The following TMPRSS11F variants were observed in gnomAD, a reference collection of about 807,000 sequenced individuals.
The protein encoded by TMPRSS11F is transmembrane serine protease 11F.
A neutral mutation model predicts 60.2 loss-of-function variants in TMPRSS11F; 47 were observed. The ratio of observed to expected loss-of-function variants is 0.78; its 90% confidence interval spans 0.62 to 1.00. The LOEUF is 1.00. TMPRSS11F is among the 50% of genes least tolerant of loss of function. The pLI is 0.00. For synonymous variants in TMPRSS11F, 166 were observed against 167.3 expected (o/e 0.99, Z 0.06); for missense variants, 519 against 522.9 (o/e 0.99, Z 0.07).
At chr4:68,120,597 C>A (rs1413248225) in intron 1 of TMPRSS11F, among the ~76,000 whole-genome samples, 2 of 151,708 alleles carry the variant, frequency 1.3e-5, no homozygotes, top group Non-Finnish European at 2.9e-5. Context: ...ACCGTTTTAG[C>A]CGGGATGGTC....
At chr4:68,080,224 A>G (rs1723663855) in intron 3 of TMPRSS11F, 1 of 152,256 alleles carries the variant, frequency 6.6e-6, no homozygotes, top group Admixed American at 6.5e-5. Context: ...AAGCAAAGCC[A>G]GGATCATGAG....
chr4:68,086,576 C>T (rs1282087923), intron 3 of TMPRSS11F, among the ~76,000 whole-genome samples: 1 of 151,868 alleles, frequency 6.6e-6, no homozygotes, highest in Non-Finnish European at 1.5e-5. Flanking sequence ...AAAAGATCAA[C>T]AAAACCAAAT....
chr4:68,120,490 G>A (rs1420220596), intron 1 of TMPRSS11F, among the ~76,000 whole-genome samples: 17 of 147,808 alleles, frequency 1.2e-4, no homozygotes, highest in Middle Eastern at 3.4e-3. Context: ...CCGGGTTCAC[G>A]CCATTCTCCT....
chr4:68,095,821 G>A (rs1287716950), intron 2 of TMPRSS11F, among the ~76,000 whole-genome samples: 8 of 149,518 alleles, frequency 5.4e-5, no homozygotes, highest in Non-Finnish European at 4.4e-5. Flanking sequence ...GCTTGAACCC[G>A]GGAGGCAGAG....
At chr4:68,074,077 A>G (rs1723536545) in intron 3 of TMPRSS11F, 68 bp from the exon 4 acceptor site, 1 of 976,242 alleles carries the variant, frequency 1.0e-6, no homozygotes, top group East Asian at 2.8e-5. Context: ...ATTTTTTAAA[A>G]GAAGTATTAG....
chr4:68,105,103 T>C (rs1468656220), intron 1 of TMPRSS11F, among the ~76,000 whole-genome samples: 2 of 142,580 alleles, frequency 1.4e-5, no homozygotes, highest in Non-Finnish European at 3.0e-5. Context: ...TTGGTATCAA[T>C]TCTTCTTTAA....
chr4:68,058,010 A>G (rs1040865993), intron 9 of TMPRSS11F, among the ~76,000 whole-genome samples: 1 of 152,200 alleles, frequency 6.6e-6, no homozygotes. Context: ...GTGCAATCTA[A>G]AAAAGTTGGA....
chr4:68,095,938 G>A (rs1724066753), intron 2 of TMPRSS11F, among the ~76,000 whole-genome samples: 1 of 149,012 alleles, frequency 6.7e-6, no homozygotes, highest in Non-Finnish European at 1.5e-5. Flanking sequence ...ATGACCCAGT[G>A]GTTCTGCATC....
intron 2 of TMPRSS11F, among the ~76,000 whole-genome samples, chr4:68,096,728 T>G (rs1038530563): frequency 2.6e-5 from 4 of 152,216 alleles, no homozygotes; most frequent in Non-Finnish European, 5.9e-5. Flanking sequence ...CTGAAATCTT[T>G]AGAATAAAAA....
chr4:68,068,619 T>G lies in TMPRSS11F; in HGVS notation c.754A>C (p.Lys252Gln), dbSNP rs1209886328. The change falls in exon 7 of 10, where the codon AAA (lysine) becomes CAA (glutamine). Residue 252 changes from lysine to glutamine, a missense_variant and splice_region_variant. Lys to Gln is a moderately conservative substitution (Grantham distance 53). Coordinates refer to ENST00000356291, the MANE Select transcript of TMPRSS11F (RefSeq NM_207407.2). Reference sequence around the variant, plus strand: ...TCACAGCAGCCTTGGTTAACTTACTTCCAAAAGCAGTGAGCTGCTGTGAGC... The same window carrying G: ...TCACAGCAGCCTTGGTTAACTTACTGCCAAAAGCAGTGAGCTGCTGTGAGC... ...WLLTAAHCFWKNKDPTQWIAT... is the reference protein window; with the variant it reads ...WLLTAAHCFWQNKDPTQWIAT... The G allele has an allele frequency of 3.1e-6, 5 of 1,613,606 alleles. No homozygotes were observed. The highest frequency in any genetic ancestry group is 1.3e-5 in the African/African-American group (1 of 74,892).
intron 3 of TMPRSS11F, among the ~76,000 whole-genome samples, chr4:68,085,186 A>C (rs937449583): frequency 6.8e-6 from 1 of 147,718 alleles, no homozygotes; most frequent in African/African-American, 2.5e-5. Flanking sequence ...ATAATGCCGC[A>C]ATAAACATAC....
In TMPRSS11F at chr4:68,120,942, G is replaced by T. The variant is rs1264719973; in HGVS notation, c.11+8868C>A. 2.0e-5 allele frequency among the ~76,000 whole-genome samples: 3 copies of T among 152,126 alleles called. No individual in the cohort carries two copies. In the East Asian group the frequency reaches 5.8e-4, roughly 29 times the overall value. ...TAGATATGTTTTTGCACATTTAATA[G>T]ACCACAGTATAGTGTAAACATAACT... On this transcript the variant is annotated intron_variant, in intron 1 of 9. Coordinates refer to ENST00000356291, the MANE Select transcript of TMPRSS11F (RefSeq NM_207407.2).
At chr4:68,077,503 A>G (rs1363122163) in intron 3 of TMPRSS11F, 2 of 152,344 alleles carry the variant, frequency 1.3e-5, no homozygotes, top group African/African-American at 4.8e-5. Flanking sequence ...AATGAAAATC[A>G]TCACATAAAT....
At chr4:68,123,359 T>C (rs1366627727) in intron 1 of TMPRSS11F, among the ~76,000 whole-genome samples, 1 of 152,186 alleles carries the variant, frequency 6.6e-6, no homozygotes. Context: ...TAAGTCTATG[T>C]CATCTAAAGA....
At chr4:68,091,747 A>ATCTCTCTCTCTCTCTCTCTCTCTC (rs372346277) in intron 2 of TMPRSS11F, among the ~76,000 whole-genome samples, 1 of 71,592 alleles carries the variant, frequency 1.4e-5, no homozygotes, top group Admixed American at 1.7e-4. Context: ...TTAATCTCTA[A>ATCTCTCTCTCTCTCTCTCTCTCTC]TCTCTCTCTC....
At chr4:68,111,893 A>AAT (rs1553888647) in intron 1 of TMPRSS11F, among the ~76,000 whole-genome samples, 1 of 152,326 alleles carries the variant, frequency 6.6e-6, no homozygotes, top group Non-Finnish European at 1.5e-5. Context: ...TGTACTCTAT[A>AAT]AATCTTCCTT....
intron 5 of TMPRSS11F, among the ~76,000 whole-genome samples, 173 bp from the exon 6 acceptor site, chr4:68,070,180 T>A (rs1723426233): frequency 6.6e-6 from 1 of 152,234 alleles, no homozygotes. Flanking sequence ...ACTCTGATTT[T>A]ATTTTTGGTC....
chr4:68,076,489 T>C (rs1490642706), intron 3 of TMPRSS11F, among the ~76,000 whole-genome samples: 1 of 152,206 alleles, frequency 6.6e-6, no homozygotes, highest in East Asian at 1.9e-4. Context: ...CTCCATCGGT[T>C]ACTTCTCTTT....
intron 3 of TMPRSS11F, among the ~76,000 whole-genome samples, chr4:68,085,452 T>C (rs1477838503): frequency 6.6e-6 from 1 of 152,222 alleles, no homozygotes; most frequent in Non-Finnish European, 1.5e-5. Flanking sequence ...TGGTATCTCA[T>C]AGTGGTTTTG....
Sources: allele counts gnomAD v4.1 joint callset (sites outside exome capture counted in the v4.1 genomes callset), GRCh38; gene constraint gnomAD v4.1.1; transcripts MANE v1.5; gene names NCBI Gene and HGNC (gene_info 2026-07-23, HGNC 2026-07-21).